GSK3B: variants seen among roughly 807,000 people sequenced by gnomAD.
GSK3B encodes glycogen synthase kinase-3 beta.
GSK3B carries 15 observed loss-of-function variants against 56.4 expected under a neutral mutation model. The ratio of observed to expected loss-of-function variants is 0.27; its 90% CI spans 0.18 to 0.41. The LOEUF (loss-of-function observed/expected upper bound fraction) is 0.41. GSK3B is among the 10% of genes least tolerant of loss of function. The pLI is 1.00. For synonymous variants in GSK3B, 181 were observed against 188.9 expected (o/e 0.96, Z 0.34); for missense variants, 300 against 513.4 (o/e 0.58, Z 4.02).
intron 1 of GSK3B, among the ~76,000 whole-genome samples, chr3:120,054,165 A>G (rs1199174573): frequency 6.6e-6 from 1 of 152,216 alleles, no homozygotes. Context: ...AGAAGCATAA[A>G]AAACATTTCT....
At chr3:120,025,694 G>A (rs898561227) in intron 1 of GSK3B, among the ~76,000 whole-genome samples, 1 of 152,070 alleles carries the variant, frequency 6.6e-6, no homozygotes, top group South Asian at 2.1e-4. Context: ...TAAACTCAAG[G>A]ATAAAAAAGA....
At chr3:119,840,415 G>A (rs2055755104) in intron 10 of GSK3B, among the ~76,000 whole-genome samples, 1 of 151,964 alleles carries the variant, frequency 6.6e-6, no homozygotes, top group Non-Finnish European at 1.5e-5. Context: ...GTAGAGACAG[G>A]GTATCTCCAC....
chr3:119,835,633 T>C (rs1036777849), intron 10 of GSK3B, among the ~76,000 whole-genome samples: 1 of 152,238 alleles, frequency 6.6e-6, no homozygotes, highest in African/African-American at 2.4e-5. Flanking sequence ...AAAATAACTA[T>C]ACACTATATG....
chr3:119,892,061 A>C (rs2056508647), intron 7 of GSK3B, among the ~76,000 whole-genome samples: 1 of 152,164 alleles, frequency 6.6e-6, no homozygotes, highest in South Asian at 2.1e-4. Context: ...CACAAAAAGC[A>C]ACTGACAAGC....
At chr3:119,848,954 T>G (rs1413777173) in intron 9 of GSK3B, among the ~76,000 whole-genome samples, 1 of 152,148 alleles carries the variant, frequency 6.6e-6, no homozygotes, top group Non-Finnish European at 1.5e-5. Context: ...TTTCTCACAA[T>G]CAGACTTGGT....
At position 119,930,123 on chromosome 3, in the gene GSK3B, ACGTGCG is replaced by A. The variant is rs1559841535; in HGVS notation, c.367-6646_367-6641del. Among the ~76,000 whole-genome samples, 7 of 136,976 alleles carry A rather than the reference ACGTGCG, an allele frequency of 5.1e-5. No homozygotes were observed. In the East Asian group the frequency reaches 1.0e-3, roughly 20 times the overall value. The allele number at this position is 136,976 out of a possible 152,430, so 89.9% of individuals were successfully genotyped here. A position where few individuals can be genotyped will look rare whatever the true frequency, so the allele number is the denominator to read the frequency against. Reference sequence around the variant, plus strand: ...CACACACACACACACACACACACACACGTGCGCATGCACACACACATTTATTTAATT... The same window carrying A: ...CACACACACACACACACACACACACACATGCACACACACATTTATTTAATT... On this transcript the variant is annotated intron_variant, in intron 3 of 10. Transcript: ENST00000264235.
intron 7 of GSK3B, among the ~76,000 whole-genome samples, chr3:119,888,686 T>C (rs774058583): frequency 1.3e-5 from 2 of 152,104 alleles, no homozygotes; most frequent in Non-Finnish European, 2.9e-5. Context: ...GCCTGCAGGG[T>C]TGGGCAAAAT....
intron 3 of GSK3B, among the ~76,000 whole-genome samples, chr3:119,939,327 T>C (rs1210974257): frequency 6.6e-6 from 1 of 152,150 alleles, no homozygotes; most frequent in Non-Finnish European, 1.5e-5. Flanking sequence ...ACGATATAGA[T>C]GTTCAAAGAC....
chr3:119,833,819 T>C (rs917688922), intron 10 of GSK3B, among the ~76,000 whole-genome samples: 1 of 151,006 alleles, frequency 6.6e-6, no homozygotes. Flanking sequence ...GCTTCCCGAG[T>C]AGCTGGGATT....
At chr3:119,889,696 C>A (rs1221686806) in intron 7 of GSK3B, among the ~76,000 whole-genome samples, 2 of 152,038 alleles carry the variant, frequency 1.3e-5, no homozygotes, top group Non-Finnish European at 2.9e-5. Context: ...TAAACTCAAC[C>A]ACAGTGATAA....
chr3:119,942,497 A>G (rs1166855977), intron 3 of GSK3B, among the ~76,000 whole-genome samples: 1 of 152,056 alleles, frequency 6.6e-6, no homozygotes, highest in Non-Finnish European at 1.5e-5. Context: ...ATGGGGTTTC[A>G]CTACGTTGGC....
At chr3:120,084,492 A>G (rs2058447135) in intron 1 of GSK3B, 1 of 152,176 alleles carries the variant, frequency 6.6e-6, no homozygotes, top group Non-Finnish European at 1.5e-5. Context: ...GATTTCTTTA[A>G]ATCATATATT....
At chr3:120,082,453 G>A (rs1346245011) in intron 1 of GSK3B, among the ~76,000 whole-genome samples, 2 of 133,118 alleles carry the variant, frequency 1.5e-5, no homozygotes, top group South Asian at 2.4e-4. Flanking sequence ...CTGGAGTGCA[G>A]TGGCACAATC....
chr3:120,035,954 G>A (rs2107526650), intron 1 of GSK3B, among the ~76,000 whole-genome samples: 1 of 152,216 alleles, frequency 6.6e-6, no homozygotes, highest in South Asian at 2.1e-4. Context: ...TCACTCTGAT[G>A]CCTTTTACTT....
intron 1 of GSK3B, among the ~76,000 whole-genome samples, chr3:120,078,643 CT>C (rs1324310289): frequency 6.6e-6 from 1 of 150,588 alleles, no homozygotes; most frequent in African/African-American, 2.4e-5. Flanking sequence ...ACCTCTGCCT[CT>C]GGGGTTCAAG....
intron 1 of GSK3B, among the ~76,000 whole-genome samples, chr3:120,083,526 T>C (rs334554): frequency 0.11 from 15,975 of 151,808 alleles, 951 homozygotes; most frequent in African/African-American, 0.17. Flanking sequence ...AGAAAGAAAA[T>C]GGCAACAATA....
chr3:119,924,322 G>A (rs1379923001), intron 3 of GSK3B, among the ~76,000 whole-genome samples: 2 of 152,190 alleles, frequency 1.3e-5, no homozygotes, highest in African/African-American at 4.8e-5. Flanking sequence ...GAATCACCAT[G>A]TTCAAGCATA....
chr3:120,057,424 T>C lies in GSK3B; in HGVS notation c.88+35923A>G, dbSNP rs565158534. Among the ~76,000 whole-genome samples, 9 of 152,256 alleles carry C rather than the reference T, an allele frequency of 5.9e-5. No homozygotes were observed. The East Asian group carries it at 1.4e-3, about 23-fold the overall frequency. ...ACTCTATCCTAATCAGATAAGAACATAGGTAAAGTTCTGCTACGAAAATAT... is the reference window on the plus strand; with the variant it reads ...ACTCTATCCTAATCAGATAAGAACACAGGTAAAGTTCTGCTACGAAAATAT... On this transcript the variant is annotated intron_variant, in intron 1 of 10. Transcript: ENST00000264235.
chr3:119,885,263 A>AAAAT (rs1222149184), intron 7 of GSK3B, among the ~76,000 whole-genome samples: 9 of 149,922 alleles, frequency 6.0e-5, no homozygotes, highest in Non-Finnish European at 1.2e-4. Context: ...AAAATAAAAT[A>AAAAT]AAATAAAATA....
Sources: allele counts gnomAD v4.1 joint callset (sites outside exome capture counted in the v4.1 genomes callset), GRCh38; gene constraint gnomAD v4.1.1; transcripts MANE v1.5; gene names NCBI Gene and HGNC (gene_info 2026-07-23, HGNC 2026-07-21).